Variants in ABCA6 observed in about 807,000 individuals in gnomAD.
ABCA6 encodes ATP-binding cassette sub-family A member 6.
Under a neutral mutation model 191.2 loss-of-function variants are expected in ABCA6, and 164 were observed. The observed-to-expected ratio is 0.86, with a 90% CI of 0.76 to 0.98. The LOEUF (loss-of-function observed/expected upper bound fraction) is 0.98, where lower values mean the gene tolerates loss of function less well. Ranked by LOEUF, ABCA6 falls within the 50% of genes least tolerant of loss-of-function variation. The pLI is 0.00. For missense variants in ABCA6, 1,958 were observed against 1,894.1 expected, an observed-to-expected ratio of 1.03 and a Z score of -0.63; for synonymous variants, 636 against 647.7, an observed-to-expected ratio of 0.98 and a Z score of 0.27.
intron 3 of ABCA6, among the ~76,000 whole-genome samples, chr17:69,136,814 A>G (rs763050196): frequency 6.6e-6 from 1 of 152,150 alleles, no homozygotes; most frequent in Non-Finnish European, 1.5e-5. Flanking sequence ...TAGAATAAAG[A>G]CTTTTAAAGA....
chr17:69,141,233 T>C (rs2074020743), intron 1 of ABCA6, among the ~76,000 whole-genome samples: 1 of 152,048 alleles, frequency 6.6e-6, no homozygotes, highest in Non-Finnish European at 1.5e-5. Flanking sequence ...TACCTTCAGA[T>C]TGAATCAACT....
rs116076144 is a variant in ABCA6 at position 69,138,040 on chromosome 17, C to G, written c.97-540G>C. Among the ~76,000 whole-genome samples, 959 of 152,288 alleles carry G rather than the reference C, an allele frequency of 6.3e-3. 11 individuals are homozygous for G. The highest frequency in any genetic ancestry group is 0.022 in the African/African-American group (902 of 41,554). On this transcript the variant is annotated intron_variant, in intron 2 of 38. Transcript: ENST00000284425. ...AGTGGAACCGAATGATTTCCTGGACCACAGGATATGGGCAGAAGTGATATG... is the reference window on the plus strand; with the variant it reads ...AGTGGAACCGAATGATTTCCTGGACGACAGGATATGGGCAGAAGTGATATG...
chr17:69,102,717 A>T, intron 21 of ABCA6, 118 bp downstream of exon 21: 2 of 933,294 alleles, frequency 2.1e-6, no homozygotes, highest in South Asian at 3.9e-5. Flanking sequence ...ATTAAATAAC[A>T]ACCCAGAATG....
In ABCA6 at chr17:69,133,839, T is replaced by C; in HGVS notation, c.593A>G (p.Glu198Gly). The C allele has an allele frequency of 1.2e-6, 2 of 1,608,926 alleles. No individual in the cohort carries two copies. Among genetic ancestry groups the C allele is most frequent in the South Asian group, 2.2e-5 (2 of 89,914 alleles). Residue 198 changes from glutamate (E) to glycine (G), a missense_variant, in exon 6 of 39, where the codon GAG (glutamate) becomes GGG (glycine). By Grantham distance (98) the Glu-to-Gly change is moderately conservative. Coordinates refer to ENST00000284425, the MANE Select transcript of ABCA6 (RefSeq NM_080284.3). Reference sequence around the variant, plus strand: ...AGTTATAGCAGTAACTGACATCAACTCCTCCATCACAGGGTGATTGGTTGT... The same window carrying C: ...AGTTATAGCAGTAACTGACATCAACCCCTCCATCACAGGGTGATTGGTTGT... ...EITTNHPVME[E>G]LMSVTAITMK... is the part of the protein sequence containing the mutation.
chr17:69,141,242 C>T (rs1216093219), intron 1 of ABCA6, among the ~76,000 whole-genome samples: 1 of 151,940 alleles, frequency 6.6e-6, no homozygotes, highest in African/African-American at 2.4e-5. Flanking sequence ...ATTGAATCAA[C>T]TTTTATGAAA....
rs765741469 is a variant in ABCA6 at position 69,087,426 on chromosome 17, A to G, written c.3746T>C (p.Ile1249Thr). ...TGTTTGAATATCTTCATCTTCATCT[A>G]TGGGTTCTTCTGGATTTGGCTTAGC... is the stretch of plus-strand genomic sequence containing the variant. ...RDAKPNPEEP[I>T]DEDEDIQTER... Residue 1249 changes from isoleucine (I) to threonine (T), a missense_variant, in exon 29 of 39, where the codon ATA (isoleucine) becomes ACA (threonine). Transcript: ENST00000284425. 22 of 1,613,714 alleles carry G rather than the reference A, an allele frequency of 1.4e-5. No individual in the cohort carries two copies. The highest frequency in any genetic ancestry group is 1.8e-5 in the Non-Finnish European group (21 of 1,179,836).
intron 28 of ABCA6, 114 bp downstream of exon 28, chr17:69,088,053 A>G (rs1453077913): frequency 1.1e-5 from 10 of 934,270 alleles, no homozygotes; most frequent in Non-Finnish European, 1.4e-5. Context: ...CCTAATGACA[A>G]TCAACATGTG....
chr17:69,086,557 A>G (rs1488440631), intron 30 of ABCA6, 61 bp downstream of exon 30: 5 of 1,042,370 alleles, frequency 4.8e-6, no homozygotes, highest in Non-Finnish European at 7.2e-6. Context: ...TGCCTATGAC[A>G]TAGATGTTCG....
intron 17 of ABCA6, chr17:69,109,073 T>C (rs776805264): frequency 2.0e-5 from 3 of 152,180 alleles, no homozygotes; most frequent in African/African-American, 7.2e-5. Context: ...TACAAGGACA[T>C]AGAGAGCTGC....
chr17:69,122,562 T>A (rs1428858110), intron 10 of ABCA6, among the ~76,000 whole-genome samples: 1 of 151,988 alleles, frequency 6.6e-6, no homozygotes, highest in Non-Finnish European at 1.5e-5. Flanking sequence ...TTTCCAAGAG[T>A]ACACATCAAA....
Position 69,139,103 on chromosome 17 carries a change from A to G in ABCA6, c.96+1505T>C, listed in dbSNP as rs1293684493. ...AAGCTAAAATTGACAAATGAGATCT[A>G]ATTAAACTAAAGAGCTTCTGCACAG... On this transcript the variant is annotated intron_variant, in intron 2 of 38. Coordinates refer to ENST00000284425, the MANE Select transcript of ABCA6 (RefSeq NM_080284.3). Among the ~76,000 whole-genome samples the G allele has an allele frequency of 5.3e-5, 8 of 152,346 alleles. No homozygotes were observed. The East Asian group carries it at 1.5e-3, about 29-fold the overall frequency.
At chr17:69,091,056 A>T (rs1326191119) in intron 26 of ABCA6, 87 bp downstream of exon 26, 9 of 1,395,992 alleles carry the variant, frequency 6.4e-6, no homozygotes, top group Non-Finnish European at 8.7e-6. Flanking sequence ...CCCCAGTTCC[A>T]CTACTTTCTG....
intron 20 of ABCA6, chr17:69,105,202 A>T: frequency 2.6e-6 from 1 of 388,576 alleles, no homozygotes; most frequent in Non-Finnish European, 4.5e-6. Context: ...GCCATGTAAT[A>T]GCTTAGGGTA....
At chr17:69,127,638 T>C (rs2144702529) in intron 8 of ABCA6, among the ~76,000 whole-genome samples, 1 of 152,246 alleles carries the variant, frequency 6.6e-6, no homozygotes, top group East Asian at 1.9e-4. Context: ...TGGTGAAGTG[T>C]TAGAAAAACT....
chr17:69,113,357 A>G lies in ABCA6; in HGVS notation c.1906T>C (p.Leu636=), dbSNP rs1174069086. ...GITILGDPQI[L]LLDEPTTGLD... is the part of the protein sequence containing the mutation. ...CCAGTAGTTGGTTCATCTAAAAGCA[A>G]AATCTACAGAGAATGAAGATATATA... The change falls in exon 15 of 39, where the codon TTG becomes CTG. Residue 636 remains leucine, a synonymous_variant. Coordinates refer to ENST00000284425, the MANE Select transcript of ABCA6 (RefSeq NM_080284.3). 1.3e-6 allele frequency: 2 copies of G among 1,590,402 alleles called. No individual in the cohort carries two copies. The highest frequency in any genetic ancestry group is 2.7e-5 in the African/African-American group (2 of 72,852).
chr17:69,132,520 G>A (rs1416781791), intron 6 of ABCA6, among the ~76,000 whole-genome samples: 4 of 151,952 alleles, frequency 2.6e-5, no homozygotes, highest in African/African-American at 4.8e-5. Context: ...TCACTCTGTC[G>A]CCCAGGCTGG....
At chr17:69,134,559 C>G (rs1175687722) in intron 5 of ABCA6, 80 bp downstream of exon 5, 1 of 1,007,374 alleles carries the variant, frequency 9.9e-7, no homozygotes, top group Admixed American at 2.0e-5. Flanking sequence ...CGGACTAAGA[C>G]AATTATCTTT....
chr17:69,139,883 T>C (rs1250495655), intron 2 of ABCA6, among the ~76,000 whole-genome samples: 1 of 141,196 alleles, frequency 7.1e-6, no homozygotes, highest in South Asian at 2.2e-4. Context: ...CACTCATAGA[T>C]GGCAATTGAA....
rs140447770 is a variant in ABCA6, at chr17:69,096,614, A to G, written c.3294+14T>C. The G allele has an allele frequency of 1.4e-4, 213 of 1,487,044 alleles. No individual in the cohort carries two copies. Among genetic ancestry groups the G allele is most frequent in the Non-Finnish European group, 1.8e-4 (200 of 1,119,086 alleles). The allele number at this position is 1,487,044 out of a possible 1,614,324, so 92.1% of individuals were successfully genotyped here. ...TTACTTTATGAAATTTGGTTTATGT[A>G]CTGTGTTACTTACCAAAGCAAACAC... is the stretch of plus-strand genomic sequence containing the variant. On this transcript the variant is annotated intron_variant, in intron 24 of 38. Coordinates refer to ENST00000284425, the MANE Select transcript of ABCA6 (RefSeq NM_080284.3).
Sources: allele counts gnomAD v4.1 joint callset (sites outside exome capture counted in the v4.1 genomes callset), GRCh38; gene constraint gnomAD v4.1.1; transcripts MANE v1.5; gene names NCBI Gene and HGNC (gene_info 2026-07-23, HGNC 2026-07-21).